Variants in SPAG16 observed in about 807,000 individuals in gnomAD.
SPAG16 encodes sperm associated antigen 16.
Under a neutral mutation model 80.4 loss-of-function variants are expected in SPAG16, and 86 were observed. That is an observed-to-expected ratio of 1.07 (90% CI 0.90 to 1.28). SPAG16 has a LOEUF of 1.28. SPAG16 is among the 50% of genes most tolerant of loss of function. The probability of loss-of-function intolerance (pLI) is 0.00; values close to 1 mark genes in which losing one functional copy is unlikely to be tolerated. For missense variants in SPAG16, 870 were observed against 765.3 expected (o/e 1.14, Z -1.61); for synonymous variants, 294 against 265.9 (o/e 1.11, Z -1.03).
At chr2:213,430,775 C>G (rs2070244203) in intron 9 of SPAG16, among the ~76,000 whole-genome samples, 1 of 152,098 alleles carries the variant, frequency 6.6e-6, no homozygotes, top group Non-Finnish European at 1.5e-5. Flanking sequence ...ACTACATATA[C>G]TCATTGGAAT....
At chr2:213,643,035 ATATGTATGTGTG>A (rs1475943159) in intron 10 of SPAG16, among the ~76,000 whole-genome samples, 1 of 127,150 alleles carries the variant, frequency 7.9e-6, no homozygotes, top group African/African-American at 3.4e-5. Context: ...ACTCCCCTTT[ATATGTATGTGTG>A]TGTGTATGTG....
intron 15 of SPAG16, among the ~76,000 whole-genome samples, chr2:214,367,764 C>G (rs1699568987): frequency 6.6e-6 from 1 of 152,130 alleles, no homozygotes; most frequent in Non-Finnish European, 1.5e-5. Context: ...CAGTGTGACA[C>G]ATTGTCTTCT....
chr2:213,574,742 G>A (rs1357453996), intron 10 of SPAG16, among the ~76,000 whole-genome samples: 2 of 147,776 alleles, frequency 1.4e-5, no homozygotes, highest in African/African-American at 2.5e-5. Flanking sequence ...CCTGGTCATG[G>A]TCATCTTTAT....
chr2:214,073,034 A>G (rs1186569255), intron 13 of SPAG16, among the ~76,000 whole-genome samples: 4 of 152,154 alleles, frequency 2.6e-5, no homozygotes, highest in Non-Finnish European at 5.9e-5. Context: ...TTCCTTTTAG[A>G]AAAGTGGCTG....
intron 15 of SPAG16, among the ~76,000 whole-genome samples, chr2:214,337,910 T>G (rs1317372080): frequency 6.6e-6 from 1 of 150,824 alleles, no homozygotes; most frequent in Non-Finnish European, 1.5e-5. Flanking sequence ...AAGACCTTAA[T>G]TTTTTTTTTC....
intron 4 of SPAG16, among the ~76,000 whole-genome samples, chr2:213,313,725 A>G (rs143247403): frequency 0.01 from 1,536 of 151,936 alleles, 16 homozygotes; most frequent in Non-Finnish European, 0.016. Flanking sequence ...TATTTTCTAT[A>G]TTGGTTTGAG....
intron 10 of SPAG16, among the ~76,000 whole-genome samples, chr2:213,560,932 C>T (rs1288424840): frequency 1.3e-5 from 2 of 152,204 alleles, no homozygotes; most frequent in Admixed American, 6.5e-5. Flanking sequence ...GGCACGATCT[C>T]GGCTCACTGC....
intron 10 of SPAG16, among the ~76,000 whole-genome samples, chr2:213,565,871 T>C (rs1575997797): frequency 1.3e-5 from 2 of 152,284 alleles, no homozygotes; most frequent in East Asian, 3.9e-4. Flanking sequence ...AAAGCAATGA[T>C]AACGATTGTT....
At chr2:213,694,104 C>T (rs1442357791) in intron 10 of SPAG16, among the ~76,000 whole-genome samples, 1 of 151,574 alleles carries the variant, frequency 6.6e-6, no homozygotes, top group Non-Finnish European at 1.5e-5. Flanking sequence ...CATGGACTCT[C>T]ATGTAGATTG....
rs181146560 is a variant in SPAG16, at chr2:213,371,500, C to T, written c.833-3510C>T. On this transcript the variant is annotated intron_variant, in intron 8 of 15. Transcript: ENST00000331683. ...TTCATATTTTCATGTTACTTCCTCC[C>T]GCTTTACTTGCTCATTTAAGTTTAG... Among the ~76,000 whole-genome samples the T allele has an allele frequency of 8.6e-3, 1,306 of 151,778 alleles. 14 individuals carry two copies. The highest frequency in any genetic ancestry group is 0.025 in the South Asian group (119 of 4,802).
At chr2:214,391,916 G>C in intron 15 of SPAG16, among the ~76,000 whole-genome samples, 1 of 152,128 alleles carries the variant, frequency 6.6e-6, no homozygotes, top group East Asian at 1.9e-4. Flanking sequence ...CTTCAGAAAA[G>C]TTAAATCAAA....
chr2:214,135,723 GTCTCTC>G lies in SPAG16; in HGVS notation c.1594-13396_1594-13391del, dbSNP rs372301135. The stretch of plus-strand genomic sequence containing the variant: ...TATCTCTCTCTCTCTCTGTCTCTCT[GTCTCTC>G]TCTCTCTCTCTCTCTCTCTCACTCT... On this transcript the variant is annotated intron_variant, in intron 14 of 15. Coordinates refer to ENST00000331683, the MANE Select transcript of SPAG16 (RefSeq NM_024532.5). Among the ~76,000 whole-genome samples, 855 of 145,758 alleles carry G rather than the reference GTCTCTC, an allele frequency of 5.9e-3. 6 individuals carry two copies. The highest frequency in any genetic ancestry group is 0.021 in the African/African-American group (824 of 39,896).
chr2:213,920,528 G>A (rs1426874148), intron 11 of SPAG16, among the ~76,000 whole-genome samples: 1 of 152,176 alleles, frequency 6.6e-6, no homozygotes, highest in African/African-American at 2.4e-5. Flanking sequence ...GAATAGGCAG[G>A]CTGGTGTGTG....
chr2:213,607,997 G>C (rs2061322108), intron 10 of SPAG16, among the ~76,000 whole-genome samples: 2 of 152,040 alleles, frequency 1.3e-5, no homozygotes, highest in Non-Finnish European at 2.9e-5. Flanking sequence ...ATCCTTTATA[G>C]TGTGAAGTAT....
chr2:213,407,011 G>T (rs571395617), intron 9 of SPAG16, among the ~76,000 whole-genome samples: 6 of 151,566 alleles, frequency 4.0e-5, no homozygotes, highest in African/African-American at 1.2e-4. Flanking sequence ...ATACTGCGGC[G>T]ACCACTCTGT....
chr2:214,170,159 T>G (rs2056817526), intron 15 of SPAG16, among the ~76,000 whole-genome samples: 2 of 140,596 alleles, frequency 1.4e-5, no homozygotes, highest in African/African-American at 5.7e-5. Context: ...AAAATGCCTT[T>G]TGTGGGAGAG....
chr2:214,322,959 G>A (rs1034597183), intron 15 of SPAG16, among the ~76,000 whole-genome samples: 2 of 152,186 alleles, frequency 1.3e-5, no homozygotes, highest in Admixed American at 6.5e-5. Context: ...TCACTGATGT[G>A]AGAATTCATT....
chr2:214,388,135 G>A (rs1296752819), intron 15 of SPAG16, among the ~76,000 whole-genome samples: 1 of 151,914 alleles, frequency 6.6e-6, no homozygotes, highest in Non-Finnish European at 1.5e-5. Context: ...CAAAAAGAAT[G>A]CACATATTCC....
At chr2:214,207,087 T>G (rs1358903446) in intron 15 of SPAG16, among the ~76,000 whole-genome samples, 3 of 152,186 alleles carry the variant, frequency 2.0e-5, no homozygotes, top group African/African-American at 7.2e-5. Context: ...AATCCTTCAC[T>G]GAGAGCATTC....
Sources: gnomAD v4.1 joint callset for allele counts (sites outside exome capture counted in the v4.1 genomes callset) on GRCh38, gnomAD v4.1.1 for gene constraint, MANE v1.5 for transcripts, NCBI Gene and HGNC (gene_info 2026-07-23, HGNC 2026-07-21) for gene names.